The following RPH3AL variants were observed in gnomAD, a reference collection of about 807,000 sequenced individuals.
RPH3AL encodes rab effector Noc2.
A neutral mutation model predicts 43.1 loss-of-function variants in RPH3AL; 38 were observed. The observed-to-expected ratio is 0.88, with a 90% CI of 0.68 to 1.15. The LOEUF (loss-of-function observed/expected upper bound fraction) is 1.15, where lower values mean the gene tolerates loss of function less well. Ranked by LOEUF, RPH3AL falls within the 50% of genes most tolerant of loss-of-function variation. The pLI, the probability that RPH3AL is intolerant of heterozygous loss-of-function variation, is 0.00. For missense variants in RPH3AL, 462 were observed against 423.2 expected (o/e 1.09, Z -0.81); for synonymous variants, 189 against 176.3 (o/e 1.07, Z -0.57).
chr17:225,059 C>T lies in RPH3AL; in HGVS notation c.614-5323G>A, dbSNP rs1034724922. On this transcript the variant is annotated intron_variant, in intron 7 of 9. Transcript: ENST00000331302. This position sits in a 1 kb window ranked among gnomAD's most constrained non-coding sequence, Gnocchi z 4.4. ...AGCACACCAACACGGCACATGTATA[C>T]AGATGTAACAAACCTGCACGTTATG... Among the ~76,000 whole-genome samples, 13 of 149,004 alleles carry T rather than the reference C, an allele frequency of 8.7e-5. No homozygotes were observed. Among genetic ancestry groups the T allele is most frequent in the African/African-American group, 3.2e-4 (13 of 40,220 alleles).
chr17:233,246 C>G lies in RPH3AL; in HGVS notation c.614-13510G>C, dbSNP rs148059991. 3.8e-4 allele frequency among the ~76,000 whole-genome samples: 58 copies of G among 152,246 alleles called. No homozygotes were observed. The East Asian group carries it at 4.8e-3, about 13-fold the overall frequency. On this transcript the variant is annotated intron_variant, in intron 7 of 9. Coordinates refer to ENST00000331302, the MANE Select transcript of RPH3AL (RefSeq NM_006987.4). ...TGCCTTACCAGCCACTGCTCTACCC[C>G]CCGCCTGAAATTCCTCTGTAAGTTT...
At chr17:235,304 G>C (rs956949701) in intron 7 of RPH3AL, among the ~76,000 whole-genome samples, 2 of 150,330 alleles carry the variant, frequency 1.3e-5, no homozygotes, top group African/African-American at 2.5e-5. Flanking sequence ...CGGGTCCCGG[G>C]TTCAAAGCTG....
At chr17:334,998 C>T (rs183336368) in intron 1 of RPH3AL, among the ~76,000 whole-genome samples, 327 of 152,334 alleles carry the variant, frequency 2.1e-3, no homozygotes, top group Non-Finnish European at 3.4e-3. Context: ...TTCAGGGACA[C>T]GTTCACTGAT....
chr17:304,675 G>A lies in RPH3AL; in HGVS notation c.351+14745C>T, dbSNP rs79489773. On this transcript the variant is annotated intron_variant, in intron 5 of 9. Coordinates refer to ENST00000331302, the MANE Select transcript of RPH3AL (RefSeq NM_006987.4). ...AGCCGGAGGCCACAGGAGAACCAAT[G>A]AGCCTGGCTGGACTCCTGCAAACCT... Among the ~76,000 whole-genome samples, 874 of 152,186 alleles carry A rather than the reference G, an allele frequency of 5.7e-3. 7 individuals carry two copies. Among genetic ancestry groups the A allele is most frequent in the Non-Finnish European group, 8.7e-3 (593 of 68,006 alleles).
chr17:345,617 G>A (rs2045219479), intron 1 of RPH3AL, among the ~76,000 whole-genome samples: 1 of 132,284 alleles, frequency 7.6e-6, no homozygotes, highest in South Asian at 2.5e-4. Context: ...GTGCCTGCTG[G>A]GGCACGCGTG....
chr17:311,427 T>G (rs759467809), intron 5 of RPH3AL, among the ~76,000 whole-genome samples: 1 of 152,128 alleles, frequency 6.6e-6, no homozygotes, highest in Non-Finnish European at 1.5e-5. Context: ...CCCTCAGCCT[T>G]TCAGAAACCT....
chr17:252,104 T>C (rs1258837489), intron 6 of RPH3AL, among the ~76,000 whole-genome samples: 1 of 151,824 alleles, frequency 6.6e-6, no homozygotes, highest in Non-Finnish European at 1.5e-5. Flanking sequence ...CCCGAGTAGC[T>C]GGGACTATAG....
chr17:303,528 TTTCA>T (rs2151641267), intron 5 of RPH3AL, among the ~76,000 whole-genome samples: 6 of 129,886 alleles, frequency 4.6e-5, no homozygotes, highest in African/African-American at 1.7e-4. Flanking sequence ...AGTGACCGTG[TTTCA>T]GGAAAGAGAT....
At chr17:263,462 C>T (rs772308430) in intron 6 of RPH3AL, among the ~76,000 whole-genome samples, 14 of 152,132 alleles carry the variant, frequency 9.2e-5, no homozygotes, top group Non-Finnish European at 1.9e-4. Context: ...CAGGCAGCAG[C>T]GGGTGACGCG....
chr17:327,999 C>T (rs777151807), intron 2 of RPH3AL, among the ~76,000 whole-genome samples: 1 of 152,176 alleles, frequency 6.6e-6, no homozygotes, highest in Non-Finnish European at 1.5e-5. Context: ...GATGGCCAGA[C>T]AGGCTGGGAA....
At chr17:247,762 C>A (rs1404198780) in intron 6 of RPH3AL, 1 of 155,584 alleles carries the variant, frequency 6.4e-6, no homozygotes, top group African/African-American at 2.4e-5. Context: ...TCTGTATCCA[C>A]CACTCGGATC....
At chr17:266,640 A>G (rs72821637) in intron 6 of RPH3AL, among the ~76,000 whole-genome samples, 10,896 of 152,088 alleles carry the variant, frequency 0.072, 465 homozygotes, top group Non-Finnish European at 0.087. Context: ...CTTCATTCCA[A>G]GTGGGTTTTT....
intron 7 of RPH3AL, among the ~76,000 whole-genome samples, chr17:234,776 C>G (rs918653046): frequency 5.9e-5 from 9 of 152,196 alleles, no homozygotes; most frequent in Non-Finnish European, 8.8e-5. Context: ...CCAGAGTCTG[C>G]TAGCAAAATA....
chr17:216,426 T>C (rs1463284778), intron 8 of RPH3AL, among the ~76,000 whole-genome samples: 1 of 150,846 alleles, frequency 6.6e-6, no homozygotes, highest in East Asian at 2.0e-4. Flanking sequence ...GAGAGAGATG[T>C]TGACTGCTGC....
chr17:329,798 G>A (rs578231053), intron 2 of RPH3AL, among the ~76,000 whole-genome samples: 26 of 152,310 alleles, frequency 1.7e-4, no homozygotes, highest in African/African-American at 6.3e-4. Context: ...GTCCTTGAAG[G>A]ACATCCAGAC....
At chr17:222,506 T>C (rs994077421) in intron 7 of RPH3AL, among the ~76,000 whole-genome samples, 2 of 152,244 alleles carry the variant, frequency 1.3e-5, no homozygotes, top group African/African-American at 4.8e-5. Flanking sequence ...GAACATGCAC[T>C]GTGGGAGAAA....
At chr17:244,971 T>C (rs1273549335) in intron 7 of RPH3AL, among the ~76,000 whole-genome samples, 1 of 152,202 alleles carries the variant, frequency 6.6e-6, no homozygotes, top group East Asian at 1.9e-4. Context: ...AGCTTGTGTG[T>C]CTGCATGTGA....
intron 7 of RPH3AL, among the ~76,000 whole-genome samples, chr17:238,621 C>A (rs1320413819): frequency 6.6e-6 from 1 of 152,234 alleles, no homozygotes; most frequent in Non-Finnish European, 1.5e-5. Context: ...GTCCTGACAT[C>A]ACTGAAGCTG....
chr17:215,297 C>A lies in RPH3AL; in HGVS notation c.876+357G>T, dbSNP rs1318581562. 6.6e-6 allele frequency among the ~76,000 whole-genome samples: 1 copy of A among 152,220 alleles called. No homozygotes were observed. Among genetic ancestry groups the A allele is most frequent in the Non-Finnish European group, 1.5e-5 (1 of 68,044 alleles). ...CCAGGATTCTCCCCTCACTCTCTCT[C>A]TGTGCCTTGGTTTCTACACCCATCA... On this transcript the variant is annotated intron_variant, in intron 9 of 9. Coordinates refer to ENST00000331302, the MANE Select transcript of RPH3AL (RefSeq NM_006987.4). The surrounding 1 kb of genome is among the most constrained non-coding windows in gnomAD (Gnocchi z 4.1).
Sources: allele counts gnomAD v4.1 joint callset (sites outside exome capture counted in the v4.1 genomes callset), GRCh38; gene constraint gnomAD v4.1.1; non-coding constraint Gnocchi (gnomAD v3.1); transcripts MANE v1.5; gene names NCBI Gene and HGNC (gene_info 2026-07-23, HGNC 2026-07-21).